The following EPB41L3 variants were observed in gnomAD, a reference collection of about 807,000 sequenced individuals.
EPB41L3 encodes band 4.1-like protein 3.
In EPB41L3, 57 loss-of-function variants were observed where a neutral mutation model predicts 127.1. That is an observed-to-expected ratio of 0.45 (90% CI 0.36 to 0.56). EPB41L3 has a LOEUF of 0.56. EPB41L3 is among the 20% of genes least tolerant of loss of function. The probability of loss-of-function intolerance (pLI) is 0.00; values close to 1 mark genes in which losing one functional copy is unlikely to be tolerated. For missense variants in EPB41L3, 1,273 were observed against 1,372.2 expected (o/e 0.93, Z 1.14); for synonymous variants, 572 against 549.5 (o/e 1.04, Z -0.57).
chr18:5,625,999 G>A (rs1019080854), intron 1 of EPB41L3, among the ~76,000 whole-genome samples: 1 of 147,482 alleles, frequency 6.8e-6, no homozygotes, highest in African/African-American at 2.5e-5. Flanking sequence ...CATTTATGCT[G>A]CTTGACTGAA....
At chr18:5,407,110 C>T in intron 15 of EPB41L3, 142 bp from the exon 16 acceptor site, 1 of 660,318 alleles carries the variant, frequency 1.5e-6, no homozygotes, top group Non-Finnish European at 2.6e-6. Flanking sequence ...ATGGCACTAC[C>T]ACAAACACTC....
intron 3 of EPB41L3, among the ~76,000 whole-genome samples, chr18:5,587,155 G>T (rs1189645251): frequency 6.6e-6 from 1 of 152,150 alleles, no homozygotes; most frequent in Non-Finnish European, 1.5e-5. Flanking sequence ...AGGCAGCTTT[G>T]TGGAAATAGG....
chr18:5,481,156 T>C (rs1457932510), intron 2 of EPB41L3, among the ~76,000 whole-genome samples: 2 of 152,106 alleles, frequency 1.3e-5, no homozygotes, highest in Non-Finnish European at 2.9e-5. Flanking sequence ...GTGAAAATAA[T>C]TGTTATTTAT....
intron 1 of EPB41L3, among the ~76,000 whole-genome samples, chr18:5,623,504 A>G (rs1203132121): frequency 6.6e-6 from 1 of 152,144 alleles, no homozygotes; most frequent in African/African-American, 2.4e-5. Flanking sequence ...TTATCCTCTC[A>G]ATTTGAAGGC....
intron 3 of EPB41L3, among the ~76,000 whole-genome samples, chr18:5,556,117 AGTGAATATT>A (rs1385598666): frequency 6.6e-6 from 1 of 152,224 alleles, no homozygotes; most frequent in African/African-American, 2.4e-5. Flanking sequence ...AGAGACGCTC[AGTGAATATT>A]TGCAATAAAT....
At chr18:5,504,876 C>A (rs546089060) in intron 1 of EPB41L3, among the ~76,000 whole-genome samples, 103 of 152,198 alleles carry the variant, frequency 6.8e-4, no homozygotes, top group African/African-American at 2.5e-3. Context: ...CTGCAGTGCT[C>A]CAGGTGCTGA....
chr18:5,411,179 C>G (rs1398212957), intron 13 of EPB41L3, among the ~76,000 whole-genome samples: 1 of 152,104 alleles, frequency 6.6e-6, no homozygotes, highest in African/African-American at 2.4e-5. Context: ...AAGGCACATG[C>G]CAGTGACTCA....
At chr18:5,590,901 G>C (rs2094479497) in intron 3 of EPB41L3, among the ~76,000 whole-genome samples, 1 of 152,102 alleles carries the variant, frequency 6.6e-6, no homozygotes, top group South Asian at 2.1e-4. Flanking sequence ...GCTGCCAGAG[G>C]CTGGGGTGGG....
chr18:5,510,969 G>A (rs1330147447), intron 1 of EPB41L3, among the ~76,000 whole-genome samples: 4 of 151,958 alleles, frequency 2.6e-5, no homozygotes, highest in Non-Finnish European at 5.9e-5. Flanking sequence ...AACAAAAGAG[G>A]AGACTTTGAA....
chr18:5,569,574 C>T (rs2094250753), intron 3 of EPB41L3, among the ~76,000 whole-genome samples: 1 of 152,036 alleles, frequency 6.6e-6, no homozygotes, highest in Non-Finnish European at 1.5e-5. Flanking sequence ...CTTTTACTGC[C>T]CTGTTGGTAA....
chr18:5,410,307 T>C (rs1320300778), intron 14 of EPB41L3, among the ~76,000 whole-genome samples: 2 of 152,080 alleles, frequency 1.3e-5, no homozygotes, highest in Non-Finnish European at 2.9e-5. Flanking sequence ...TGGGAACTTG[T>C]TAGAAATATA....
At chr18:5,453,132 C>T (rs1299543550) in intron 3 of EPB41L3, among the ~76,000 whole-genome samples, 3 of 152,188 alleles carry the variant, frequency 2.0e-5, no homozygotes, top group African/African-American at 4.8e-5. Flanking sequence ...GCACAAATTG[C>T]GCCAAGTCTC....
At chr18:5,600,457 T>C (rs1319224842) in intron 3 of EPB41L3, among the ~76,000 whole-genome samples, 1 of 152,170 alleles carries the variant, frequency 6.6e-6, no homozygotes, top group African/African-American at 2.4e-5. Context: ...AAGCACTTTA[T>C]AAAATATCAG....
chr18:5,449,868 A>G (rs920959053), intron 3 of EPB41L3, among the ~76,000 whole-genome samples: 3 of 152,230 alleles, frequency 2.0e-5, no homozygotes, highest in Admixed American at 2.0e-4. Flanking sequence ...TACTTATGAT[A>G]AAGTTTAATT....
chr18:5,609,258 T>C (rs1376821415), intron 3 of EPB41L3, among the ~76,000 whole-genome samples: 3 of 152,160 alleles, frequency 2.0e-5, no homozygotes, highest in Non-Finnish European at 2.9e-5. Flanking sequence ...TGCTAAACCC[T>C]TTAAGAAAAG....
intron 5 of EPB41L3, among the ~76,000 whole-genome samples, chr18:5,438,487 A>T (rs1289110579): frequency 6.6e-6 from 1 of 152,234 alleles, no homozygotes; most frequent in Non-Finnish European, 1.5e-5. Context: ...TAGCTCACAG[A>T]TCAACACCAC....
At chr18:5,452,856 C>T (rs1210648999) in intron 3 of EPB41L3, among the ~76,000 whole-genome samples, 2 of 152,100 alleles carry the variant, frequency 1.3e-5, no homozygotes, top group Non-Finnish European at 2.9e-5. Flanking sequence ...TACACTTTTA[C>T]TCAAGATCCT....
chr18:5,510,378 A>C (rs2092450576), intron 1 of EPB41L3, among the ~76,000 whole-genome samples: 1 of 152,172 alleles, frequency 6.6e-6, no homozygotes, highest in African/African-American at 2.4e-5. Context: ...TCTGGGCTGG[A>C]GTATGGTAGG....
At chr18:5,565,224 C>T (rs1435759095) in intron 3 of EPB41L3, among the ~76,000 whole-genome samples, 1 of 150,988 alleles carries the variant, frequency 6.6e-6, no homozygotes, top group Admixed American at 6.6e-5. Context: ...TGGCAAAACC[C>T]CATCTCTACT....
Sources: gnomAD v4.1 joint callset for allele counts (sites outside exome capture counted in the v4.1 genomes callset) on GRCh38, gnomAD v4.1.1 for gene constraint, MANE v1.5 for transcripts, NCBI Gene and HGNC (gene_info 2026-07-23, HGNC 2026-07-21) for gene names.